Variants in PTPRS observed in about 807,000 individuals in gnomAD.
PTPRS encodes the protein receptor-type tyrosine-protein phosphatase S.
A neutral mutation model predicts 215.3 loss-of-function variants in PTPRS; 63 were observed. The ratio of observed to expected loss-of-function variants is 0.29; its 90% CI spans 0.24 to 0.36. PTPRS has a LOEUF of 0.36. PTPRS is among the 10% of genes least tolerant of loss of function. The probability of loss-of-function intolerance (pLI) is 1.00; values close to 1 mark genes in which losing one functional copy is unlikely to be tolerated. For synonymous variants in PTPRS, 1,404 were observed against 1,191.4 expected (o/e 1.18, Z -3.68); for missense variants, 2,258 against 2,825.8 (o/e 0.80, Z 4.56).
In PTPRS at chr19:5,221,091, G is replaced by A; in HGVS notation, c.3364C>T (p.Leu1122Phe). 2 of 1,614,020 alleles carry A rather than the reference G, an allele frequency of 1.2e-6. No individual in the cohort carries two copies. Among genetic ancestry groups the A allele is most frequent in the Non-Finnish European group, 1.7e-6 (2 of 1,180,000 alleles). ...GGGGCGACGCTGGGCTTGCCGTTGA[G>A]CAGGTTGAAGGCAGTCCAGGCGGTG... ...TVTAWTAFNL[L>F]NGKPSVAPKP... Residue 1122 changes from leucine (L) to phenylalanine (F), a missense_variant, in exon 20 of 38, where the codon CTC (leucine) becomes TTC (phenylalanine). By Grantham distance (22) the Leu-to-Phe change is conservative. This residue lies in a region of PTPRS where 927 missense variants were observed against 1,125.9 expected (regional missense o/e 0.82). Coordinates refer to ENST00000262963, the MANE Select transcript of PTPRS (RefSeq NM_002850.4).
At chr19:5,297,825 T>C (rs2049184566) in intron 1 of PTPRS, among the ~76,000 whole-genome samples, 1 of 149,240 alleles carries the variant, frequency 6.7e-6, no homozygotes, top group Admixed American at 6.8e-5. Flanking sequence ...CAGAGTCTCG[T>C]TCCATCGCCC....
intron 2 of PTPRS, among the ~76,000 whole-genome samples, chr19:5,276,990 CG>C (rs1464780793): frequency 1.5e-4 from 23 of 151,862 alleles, no homozygotes; most frequent in South Asian, 2.1e-4. Flanking sequence ...ACTAGATTTC[CG>C]GTCACAGTAC....
At chr19:5,255,815 A>C (rs1004403385) in intron 9 of PTPRS, among the ~76,000 whole-genome samples, 2 of 152,184 alleles carry the variant, frequency 1.3e-5, no homozygotes, top group African/African-American at 2.4e-5. Context: ...TGCAGAGGCG[A>C]CCATAATGCA....
Position 5,237,838 on chromosome 19 carries a change from G to A in PTPRS, c.1849+1081C>T, listed in dbSNP as rs1039466516. Among the ~76,000 whole-genome samples the A allele has an allele frequency of 1.3e-5, 2 of 152,140 alleles. No homozygotes were observed. The highest frequency in any genetic ancestry group is 6.5e-5 in the Admixed American group (1 of 15,282). ...TTGGTTTGTGGGGAGCAGGAAGGAG[G>A]GAAGGGGGCCGGCGGGGGCAGGGGG... On this transcript the variant is annotated intron_variant, in intron 13 of 37. Transcript: ENST00000262963. This position sits in a 1 kb window ranked among gnomAD's most constrained non-coding sequence, Gnocchi z 4.2.
intron 1 of PTPRS, among the ~76,000 whole-genome samples, chr19:5,330,623 G>C (rs1333717511): frequency 6.6e-6 from 1 of 152,208 alleles, no homozygotes; most frequent in African/African-American, 2.4e-5. Context: ...TGAATTCCCA[G>C]TGATGCAGCA....
chr19:5,262,969 G>A lies in PTPRS; in HGVS notation c.572C>T (p.Thr191Ile), dbSNP rs1173071418. The A allele has an allele frequency of 1.4e-6, 2 of 1,401,516 alleles. No homozygotes were observed. The allele number at this position is 1,401,516 out of a possible 1,614,324, so 86.8% of individuals were successfully genotyped here. A position where few individuals can be genotyped will look rare whatever the true frequency, so the allele number is the denominator to read the frequency against. ...NGRIKQLRSE[T>I]FESTPIRGAL... The stretch of plus-strand genomic sequence containing the variant: ...GGTGATGAAATCAGACTTACCAAAG[G>A]TTTCTGAACGTTTACAACAGGAGGA... The change falls in exon 6 of 38, where the codon ACC becomes ATC. Residue 191 changes from threonine to isoleucine, a missense_variant. Transcript: ENST00000262963.
chr19:5,267,134 C>T (rs1366096176), intron 4 of PTPRS, among the ~76,000 whole-genome samples: 3 of 152,006 alleles, frequency 2.0e-5, no homozygotes, highest in Non-Finnish European at 4.4e-5. Context: ...GGCACCAGGT[C>T]TCCAGCGCTC....
Position 5,231,448 on chromosome 19 carries a change from C to A in PTPRS, c.2017G>T (p.Gly673Cys). The A allele has an allele frequency of 6.2e-7, 1 of 1,612,918 alleles. No homozygotes were observed. Among genetic ancestry groups the A allele is most frequent in the Non-Finnish European group, 8.5e-7 (1 of 1,179,864 alleles). The stretch of plus-strand genomic sequence containing the variant: ...ATCTGAGTGGTGGTCGGGGGGATGC[C>A]GTTCACCTCCTTGGGTTCCGGGTCC... ...SEDPEPKEVN[G>C]IPPTTTQILL... The change falls in exon 14 of 38, where the codon GGC becomes TGC. Residue 673 changes from glycine to cysteine, a missense_variant. By Grantham distance (159) the Gly-to-Cys change is radical. Coordinates refer to ENST00000262963, the MANE Select transcript of PTPRS (RefSeq NM_002850.4).
intron 13 of PTPRS, among the ~76,000 whole-genome samples, chr19:5,235,235 C>T (rs1037349637): frequency 3.3e-5 from 5 of 151,986 alleles, no homozygotes; most frequent in Admixed American, 6.6e-5. Context: ...CCGCCGCGCC[C>T]GGCCAATAGT....
chr19:5,218,335 A>T, intron 25 of PTPRS, 85 bp downstream of exon 25: 1 of 1,187,938 alleles, frequency 8.4e-7, no homozygotes, highest in Non-Finnish European at 1.2e-6. Flanking sequence ...GGGGCCAATG[A>T]GGGGCCCCCA....
chr19:5,302,234 CATG>C (rs2049324060), intron 1 of PTPRS, among the ~76,000 whole-genome samples: 1 of 152,006 alleles, frequency 6.6e-6, no homozygotes, highest in South Asian at 2.1e-4. Flanking sequence ...CATGGCAGTA[CATG>C]TCTGTACTCC....
At chr19:5,207,768 C>T (rs1284380096) in intron 37 of PTPRS, among the ~76,000 whole-genome samples, 154 bp downstream of exon 37, 2 of 152,184 alleles carry the variant, frequency 1.3e-5, no homozygotes, top group African/African-American at 2.4e-5. Context: ...GGTTACTGGT[C>T]CCCTTCCAGT....
intron 12 of PTPRS, among the ~76,000 whole-genome samples, chr19:5,239,639 G>C (rs2043843343): frequency 6.6e-6 from 1 of 151,732 alleles, no homozygotes; most frequent in Non-Finnish European, 1.5e-5. Flanking sequence ...AAACGGAGGA[G>C]AGAGAGATTG....
intron 9 of PTPRS, among the ~76,000 whole-genome samples, chr19:5,251,287 C>A (rs2045037090): frequency 6.6e-6 from 1 of 152,004 alleles, no homozygotes; most frequent in Admixed American, 6.5e-5. Context: ...CCCGCCTCTC[C>A]CCCCCACCGC....
rs1457708210 is a variant in PTPRS, at chr19:5,273,475, T to A, written c.346A>T (p.Ile116Phe). The stretch of plus-strand genomic sequence containing the variant: ...ACAGTAAGCTTGGCATGGACTGTGA[T>A]CTCCCCAACCGAGTTCTGGGCCACA... ...ECVAQNSVGEITVHAKLTVLR... is the reference protein window; with the variant it reads ...ECVAQNSVGEFTVHAKLTVLR... Residue 116 changes from isoleucine to phenylalanine, a missense_variant, in exon 4 of 38, where the codon ATC becomes TTC. Physicochemically the swap from Ile to Phe is conservative, Grantham distance 21 (BLOSUM62 0). Transcript: ENST00000262963. The A allele has an allele frequency of 6.2e-7, 1 of 1,613,984 alleles. No homozygotes were observed. The highest frequency in any genetic ancestry group is 1.7e-5 in the Admixed American group (1 of 59,982).
In PTPRS at chr19:5,338,800, A is replaced by C. The variant is rs80125132; in HGVS notation, c.-95+1864T>G. Among the ~76,000 whole-genome samples the C allele has an allele frequency of 0.11, 17,454 of 152,224 alleles. 1,150 individuals carry two copies. The highest frequency in any genetic ancestry group is 0.16 in the Non-Finnish European group (10,854 of 67,984). ...AAACGCTCCAGCAGCTGCCGCTGGTATCGCAGGAGCAGAGGAGCGGGATGG... is the reference window on the plus strand; with the variant it reads ...AAACGCTCCAGCAGCTGCCGCTGGTCTCGCAGGAGCAGAGGAGCGGGATGG... On this transcript the variant is annotated intron_variant, in intron 1 of 37. Coordinates refer to ENST00000262963, the MANE Select transcript of PTPRS (RefSeq NM_002850.4). This position sits in a 1 kb window ranked among gnomAD's most constrained non-coding sequence, Gnocchi z 4.2.
chr19:5,229,194 TGG>T, intron 16 of PTPRS, 120 bp downstream of exon 16: 1 of 1,114,272 alleles, frequency 9.0e-7, no homozygotes, highest in Non-Finnish European at 1.2e-6. Context: ...GAGGGGCGCA[TGG>T]GAGGGCCCAG....
At chr19:5,249,633 T>G (rs1219453994) in intron 9 of PTPRS, among the ~76,000 whole-genome samples, 1 of 152,260 alleles carries the variant, frequency 6.6e-6, no homozygotes, top group Non-Finnish European at 1.5e-5. Context: ...TTCAAACTTG[T>G]GTGTCCTGAC....
intron 2 of PTPRS, among the ~76,000 whole-genome samples, chr19:5,276,050 A>G (rs2047332287): frequency 6.6e-6 from 1 of 152,180 alleles, no homozygotes; most frequent in South Asian, 2.1e-4. Flanking sequence ...GGAAACTGAG[A>G]CACAAACCAG....
Sources: allele counts gnomAD v4.1 joint callset (sites outside exome capture counted in the v4.1 genomes callset), GRCh38; gene constraint gnomAD v4.1.1; regional missense constraint gnomAD v4.1.1; non-coding constraint Gnocchi (gnomAD v3.1); transcripts MANE v1.5; gene names NCBI Gene and HGNC (gene_info 2026-07-23, HGNC 2026-07-21).